Variants in MYBPC1 observed in about 807,000 individuals in gnomAD.
MYBPC1 encodes the protein myosin-binding protein C, slow-type.
Under a neutral mutation model 147.1 loss-of-function variants are expected in MYBPC1, and 52 were observed. The observed-to-expected ratio is 0.35, with a 90% CI of 0.28 to 0.45. The LOEUF (loss-of-function observed/expected upper bound fraction) is 0.45. MYBPC1 is among the 20% of genes least tolerant of loss of function. MYBPC1 has a pLI of 1.00. For synonymous variants in MYBPC1, 477 were observed against 475.9 expected (o/e 1.00, Z -0.03); for missense variants, 1,228 against 1,440.3 (o/e 0.85, Z 2.39).
intron 11 of MYBPC1, 85 bp from the exon 12 acceptor site, chr12:101,644,579 A>G (rs1892676785): frequency 7.1e-6 from 9 of 1,265,152 alleles, no homozygotes; most frequent in African/African-American, 1.5e-5. Context: ...ATTTGCTTTT[A>G]GGTTCTCCTA....
chr12:101,693,216 G>A, the MYBPC1 span, among the ~76,000 whole-genome samples: 2 of 152,076 alleles, frequency 1.3e-5, no homozygotes, highest in Non-Finnish European at 2.9e-5. Flanking sequence ...AAGGTGCTGG[G>A]ATTACAGGCG....
chr12:101,629,481 A>C lies in MYBPC1; in HGVS notation c.226A>C (p.Asn76His), dbSNP rs1329178787. ...TCCTGGGGAGGAACAAGCCAAGCAG[A>C]ATGCCAACTCCCAGCTGTCCATCTT... ...TPPGEEQAKQ[N>H]ANSQLSILFI... The change falls in exon 6 of 32, where the codon AAT (asparagine) becomes CAT (histidine). Residue 76 changes from asparagine to histidine, a missense_variant. Around this residue, in one of 2 missense-constraint regions of MYBPC1, gnomAD observed 151 missense variants for 126.1 expected, o/e 1.20. Transcript: ENST00000361466. 1.9e-6 allele frequency: 3 copies of C among 1,613,932 alleles called. No homozygotes were observed. The highest frequency in any genetic ancestry group is 3.3e-5 in the Admixed American group (2 of 59,988).
intron 16 of MYBPC1, 108 bp from the exon 17 acceptor site, chr12:101,652,570 C>T (rs1894720534): frequency 1.3e-6 from 1 of 763,336 alleles, no homozygotes; most frequent in Non-Finnish European, 2.4e-6. Context: ...CCCTCTCTTT[C>T]CTGCACTAAA....
At chr12:101,671,335 ACACT>A (rs371672041) in intron 24 of MYBPC1, among the ~76,000 whole-genome samples, 30,686 of 142,282 alleles carry the variant, frequency 0.22, 3,640 homozygotes, top group Middle Eastern at 0.36. Flanking sequence ...ACACACACAC[ACACT>A]CACACACACA....
intron 19 of MYBPC1, among the ~76,000 whole-genome samples, chr12:101,660,666 C>T (rs1896366072): frequency 6.6e-6 from 1 of 152,106 alleles, no homozygotes; most frequent in Non-Finnish European, 1.5e-5. Flanking sequence ...AGTCTGTTTT[C>T]ACGTTGCTGA....
At chr12:101,693,614 G>A in the MYBPC1 span, among the ~76,000 whole-genome samples, 9 of 152,168 alleles carry the variant, frequency 5.9e-5, no homozygotes, top group Non-Finnish European at 1.3e-4. Context: ...GGTGGCACAT[G>A]CCTATAGTCT....
At chr12:101,629,011 C>A in intron 5 of MYBPC1, 1 of 255,182 alleles carries the variant, frequency 3.9e-6, no homozygotes, top group Non-Finnish European at 7.7e-6. Flanking sequence ...ATGACCTATC[C>A]GTTTAGTCTT....
At chr12:101,655,603 C>T (rs1395590161) in intron 18 of MYBPC1, among the ~76,000 whole-genome samples, 1 of 152,178 alleles carries the variant, frequency 6.6e-6, no homozygotes, top group Non-Finnish European at 1.5e-5. Context: ...ACAGGGCAAA[C>T]TGCCAAAATG....
At chr12:101,638,634 T>C (rs970740283) in intron 10 of MYBPC1, among the ~76,000 whole-genome samples, 2 of 151,846 alleles carry the variant, frequency 1.3e-5, no homozygotes, top group Non-Finnish European at 2.9e-5. Context: ...TCAACAAAAA[T>C]GTGATACAGT....
chr12:101,656,387 C>A (rs1018875230), intron 18 of MYBPC1, among the ~76,000 whole-genome samples: 8 of 152,058 alleles, frequency 5.3e-5, no homozygotes, highest in African/African-American at 1.9e-4. Context: ...TCCAAATATA[C>A]AAATTAGAAG....
At chr12:101,608,261 T>C (rs1249005679) in intron 1 of MYBPC1, among the ~76,000 whole-genome samples, 1 of 152,222 alleles carries the variant, frequency 6.6e-6, no homozygotes, top group African/African-American at 2.4e-5. Context: ...TAGTTGTTGG[T>C]TCACAAACTA....
At chr12:101,608,784 G>T (rs1157414359) in intron 1 of MYBPC1, among the ~76,000 whole-genome samples, 1 of 152,144 alleles carries the variant, frequency 6.6e-6, no homozygotes, top group African/African-American at 2.4e-5. Context: ...AGCCCTAATT[G>T]CTCTCCTGCC....
At chr12:101,655,442 AG>A (rs1895377706) in intron 18 of MYBPC1, among the ~76,000 whole-genome samples, 2 of 152,208 alleles carry the variant, frequency 1.3e-5, no homozygotes, top group Admixed American at 1.3e-4. Context: ...CAAGAGAAAA[AG>A]TCCAAAAAAA....
the MYBPC1 span, among the ~76,000 whole-genome samples, chr12:101,693,925 A>C: frequency 6.6e-6 from 1 of 152,166 alleles, no homozygotes; most frequent in African/African-American, 2.4e-5. Flanking sequence ...AGAAGAAAGG[A>C]GCATAGCAGC....
intron 2 of MYBPC1, chr12:101,614,838 T>C (rs925348241): frequency 4.6e-6 from 2 of 438,884 alleles, no homozygotes; most frequent in Non-Finnish European, 8.4e-6. Flanking sequence ...TGAGCCTCCA[T>C]CCAAGGGGCT....
At chr12:101,656,239 T>TAA (rs1211000261) in intron 18 of MYBPC1, among the ~76,000 whole-genome samples, 2 of 152,092 alleles carry the variant, frequency 1.3e-5, no homozygotes, top group East Asian at 3.9e-4. Flanking sequence ...ATAGAATGCT[T>TAA]AATTAAAACC....
chr12:101,647,261 T>G (rs1192288126), intron 13 of MYBPC1, among the ~76,000 whole-genome samples: 1 of 152,218 alleles, frequency 6.6e-6, no homozygotes, highest in Admixed American at 6.5e-5. Context: ...TATCATTTAC[T>G]AAGACATTGT....
At chr12:101,614,594 G>T in intron 2 of MYBPC1, 63 bp downstream of exon 2, 11 of 1,574,690 alleles carry the variant, frequency 7.0e-6, no homozygotes, top group Non-Finnish European at 9.6e-6. Flanking sequence ...ATCCCAGCAT[G>T]ATTTGGCCTC....
chr12:101,680,823 G>A (rs558094168), intron 29 of MYBPC1, among the ~76,000 whole-genome samples: 60 of 152,272 alleles, frequency 3.9e-4, no homozygotes, highest in Non-Finnish European at 7.2e-4. Flanking sequence ...GTTAGTGTGT[G>A]TACAGCATGG....
Sources: gnomAD v4.1 joint callset for allele counts (sites outside exome capture counted in the v4.1 genomes callset) on GRCh38, gnomAD v4.1.1 for gene constraint, gnomAD v4.1.1 regional missense constraint, MANE v1.5 for transcripts, NCBI Gene and HGNC (gene_info 2026-07-23, HGNC 2026-07-21) for gene names.